Variants in ST8SIA1 observed in about 807,000 individuals in gnomAD.
ST8SIA1 encodes alpha-N-acetylneuraminide alpha-2,8-sialyltransferase.
A neutral mutation model predicts 35.9 loss-of-function variants in ST8SIA1; 16 were observed. The ratio of observed to expected loss-of-function variants is 0.45; its 90% CI spans 0.30 to 0.68. The LOEUF (loss-of-function observed/expected upper bound fraction) is 0.68, where lower values mean the gene tolerates loss of function less well. Ranked by LOEUF, ST8SIA1 falls within the 30% of genes least tolerant of loss-of-function variation. ST8SIA1 has a pLI of 0.09. For synonymous variants in ST8SIA1, 170 were observed against 169.6 expected, an observed-to-expected ratio of 1.00 and a Z score of -0.02; for missense variants, 383 against 453.6, an observed-to-expected ratio of 0.84 and a Z score of 1.41.
At chr12:22,260,874 G>GTTTTTTT (rs757887864) in intron 2 of ST8SIA1, among the ~76,000 whole-genome samples, 21 of 114,352 alleles carry the variant, frequency 1.8e-4, no homozygotes, top group Non-Finnish European at 2.6e-4. Flanking sequence ...TATAGTTGTT[G>GTTTTTTT]TTTTTTTTTT....
In ST8SIA1 at chr12:22,304,571, C is replaced by A. The variant is rs1271406026; in HGVS notation, c.237-17278G>T. On this transcript the variant is annotated intron_variant, in intron 1 of 4. Transcript: ENST00000396037. The stretch of plus-strand genomic sequence containing the variant: ...GCATAAACAGACCAGTTCATCTCAA[C>A]TCTTAAACTATTTGCTTTTGTATTT... Among the ~76,000 whole-genome samples the A allele has an allele frequency of 2.0e-5, 3 of 152,244 alleles. No individual in the cohort carries two copies. In the East Asian group the frequency reaches 5.8e-4, roughly 29 times the overall value.
In ST8SIA1 at chr12:22,288,984, G is replaced by A. The variant is rs116682212; in HGVS notation, c.237-1691C>T. ...CAACCTCAAACTCCTGGGCTCAAGCGATCCTCCTGCCTCAGCCTCTCAAAT... is the reference window on the plus strand; with the variant it reads ...CAACCTCAAACTCCTGGGCTCAAGCAATCCTCCTGCCTCAGCCTCTCAAAT... On this transcript the variant is annotated intron_variant, in intron 1 of 4. Transcript: ENST00000396037. 3.2e-3 allele frequency among the ~76,000 whole-genome samples: 490 copies of A among 152,202 alleles called. 1 individual carries two copies. Among genetic ancestry groups the A allele is most frequent in the African/African-American group, 0.011 (455 of 41,532 alleles).
At chr12:22,250,551 G>A (rs1591834876) in intron 3 of ST8SIA1, among the ~76,000 whole-genome samples, 1 of 152,124 alleles carries the variant, frequency 6.6e-6, no homozygotes, top group Admixed American at 6.5e-5. Context: ...TAGGGCATCT[G>A]TAACTTTTTA....
intron 1 of ST8SIA1, among the ~76,000 whole-genome samples, chr12:22,321,698 G>T (rs1178087466): frequency 6.6e-6 from 1 of 152,228 alleles, no homozygotes; most frequent in Non-Finnish European, 1.5e-5. Context: ...GGGGTGCGGG[G>T]TGGAGGTCAG....
At position 22,201,198 on chromosome 12, in the gene ST8SIA1, A is replaced by G. The variant is rs1865045008; in HGVS notation, c.*354T>C. On this transcript the variant is annotated 3_prime_UTR_variant, in exon 5 of 5. Coordinates refer to ENST00000396037, the MANE Select transcript of ST8SIA1 (RefSeq NM_003034.4). ...GACAATCAGCAACACTTTTACCCCA[A>G]CATTTTCTTTGTTCTACCTTGATTG... The G allele has an allele frequency of 1.1e-5, 2 of 174,012 alleles. No homozygotes were observed. Among genetic ancestry groups the G allele is most frequent in the Non-Finnish European group, 1.2e-5 (1 of 83,178 alleles). 10.8% of individuals were successfully genotyped at this position (174,012 alleles called of 1,614,324 possible).
intron 1 of ST8SIA1, 90 bp downstream of exon 1, chr12:22,333,907 C>T (rs1359277913): frequency 3.6e-6 from 4 of 1,095,944 alleles, no homozygotes; most frequent in African/African-American, 3.1e-5. Context: ...CTCTGCGAGA[C>T]GGTGCAAGGC....
At chr12:22,310,458 G>A (rs1020109368) in intron 1 of ST8SIA1, among the ~76,000 whole-genome samples, 2 of 152,224 alleles carry the variant, frequency 1.3e-5, no homozygotes, top group South Asian at 2.1e-4. Context: ...GCAATAACTC[G>A]TCACAGTCAT....
chr12:22,293,413 T>C (rs1245227172), intron 1 of ST8SIA1, among the ~76,000 whole-genome samples: 2 of 152,266 alleles, frequency 1.3e-5, no homozygotes, highest in Non-Finnish European at 2.9e-5. Flanking sequence ...CAATTATTGA[T>C]TTTAACATTT....
intron 4 of ST8SIA1, among the ~76,000 whole-genome samples, chr12:22,202,520 A>G (rs1391566583): frequency 2.0e-5 from 3 of 152,226 alleles, no homozygotes; most frequent in African/African-American, 7.2e-5. Flanking sequence ...CATCAATGCT[A>G]CAACTATAAT....
chr12:22,301,684 G>A (rs774281127), intron 1 of ST8SIA1, among the ~76,000 whole-genome samples: 2 of 152,134 alleles, frequency 1.3e-5, no homozygotes, highest in African/African-American at 4.8e-5. Context: ...TTAAGGAATC[G>A]AAGTTGGCTT....
rs185301703 is a variant in ST8SIA1, at chr12:22,233,183, T to G, written c.584+15823A>C. Reference sequence around the variant, plus strand: ...GACCAGATTAGAATGCAGGGGTAAGTAGACGTACAGGTCATACACAAAAGA... The same window carrying G: ...GACCAGATTAGAATGCAGGGGTAAGGAGACGTACAGGTCATACACAAAAGA... On this transcript the variant is annotated intron_variant, in intron 4 of 4. Coordinates refer to ENST00000396037, the MANE Select transcript of ST8SIA1 (RefSeq NM_003034.4). 5.3e-5 allele frequency among the ~76,000 whole-genome samples: 8 copies of G among 152,284 alleles called. No individual in the cohort carries two copies. The South Asian group carries it at 1.7e-3, about 32-fold the overall frequency.
At chr12:22,253,701 G>A (rs2078561274) in intron 3 of ST8SIA1, among the ~76,000 whole-genome samples, 1 of 152,112 alleles carries the variant, frequency 6.6e-6, no homozygotes, top group African/African-American at 2.4e-5. Context: ...AACTACATTT[G>A]TACTTTTTCC....
intron 4 of ST8SIA1, among the ~76,000 whole-genome samples, chr12:22,205,176 C>T (rs1865092615): frequency 6.6e-6 from 1 of 152,128 alleles, no homozygotes; most frequent in African/African-American, 2.4e-5. Flanking sequence ...ATAATAATTG[C>T]TCATACTCTC....
chr12:22,266,856 C>T (rs922726455), intron 2 of ST8SIA1, among the ~76,000 whole-genome samples: 26 of 133,726 alleles, frequency 1.9e-4, no homozygotes, highest in Non-Finnish European at 3.6e-4. Context: ...TATACACACA[C>T]ACACACACAC....
chr12:22,262,792 A>G (rs1865806941), intron 2 of ST8SIA1, among the ~76,000 whole-genome samples: 1 of 152,250 alleles, frequency 6.6e-6, no homozygotes, highest in Non-Finnish European at 1.5e-5. Flanking sequence ...CCTTTGAGGC[A>G]TGTCTACAAT....
intron 2 of ST8SIA1, among the ~76,000 whole-genome samples, chr12:22,286,198 T>C (rs1479970546): frequency 5.3e-5 from 8 of 152,186 alleles, no homozygotes; most frequent in Non-Finnish European, 8.8e-5. Flanking sequence ...AAAAACCTTA[T>C]CACTGCATTT....
intron 2 of ST8SIA1, among the ~76,000 whole-genome samples, chr12:22,280,883 T>C (rs1031228460): frequency 6.6e-6 from 1 of 152,244 alleles, no homozygotes; most frequent in East Asian, 1.9e-4. Flanking sequence ...ACAATCTTAA[T>C]TCACTAGAAG....
chr12:22,239,724 CT>C (rs1370997307), intron 4 of ST8SIA1, among the ~76,000 whole-genome samples: 1 of 152,116 alleles, frequency 6.6e-6, no homozygotes, highest in Non-Finnish European at 1.5e-5. Context: ...TGCTTATGAG[CT>C]ATCATTTGTT....
intron 4 of ST8SIA1, among the ~76,000 whole-genome samples, chr12:22,227,998 C>G (rs1011974462): frequency 5.9e-5 from 9 of 152,218 alleles, no homozygotes; most frequent in Admixed American, 4.6e-4. Flanking sequence ...TCTAAGGGCT[C>G]TTCTTCTCAT....
Sources: allele counts gnomAD v4.1 joint callset (sites outside exome capture counted in the v4.1 genomes callset), GRCh38; gene constraint gnomAD v4.1.1; transcripts MANE v1.5; gene names NCBI Gene and HGNC (gene_info 2026-07-23, HGNC 2026-07-21).